Variants in WNK1 observed in about 807,000 individuals in gnomAD.
WNK1 encodes the protein WNK lysine deficient protein kinase 1, also known as serine/threonine-protein kinase WNK1.
WNK1 carries 38 observed loss-of-function variants against 222.8 expected under a neutral mutation model. That is an observed-to-expected ratio of 0.17 (90% confidence interval 0.13 to 0.22). The LOEUF is 0.22. WNK1 is among the 10% of genes least tolerant of loss of function. The probability of loss-of-function intolerance (pLI) is 1.00; values close to 1 mark genes in which losing one functional copy is unlikely to be tolerated. For synonymous variants in WNK1, 1,090 were observed against 1,092.9 expected, an observed-to-expected ratio of 1.00 and a Z score of 0.05; for missense variants, 2,348 against 2,918.4, an observed-to-expected ratio of 0.80 and a Z score of 4.50.
intron 6 of WNK1, among the ~76,000 whole-genome samples, chr12:859,806 C>A (rs1314295394): frequency 6.6e-6 from 1 of 151,562 alleles, no homozygotes; most frequent in Non-Finnish European, 1.5e-5. Flanking sequence ...GCCTTAAACT[C>A]CTGAACTCAA....
intron 1 of WNK1, among the ~76,000 whole-genome samples, chr12:810,452 A>G (rs989560793): frequency 5.9e-5 from 9 of 152,328 alleles, no homozygotes; most frequent in South Asian, 2.1e-4. Flanking sequence ...CATATATAAT[A>G]CTAGAGAAAT....
chr12:801,162 C>G (rs1241794589), intron 1 of WNK1, among the ~76,000 whole-genome samples: 1 of 152,166 alleles, frequency 6.6e-6, no homozygotes, highest in African/African-American at 2.4e-5. Flanking sequence ...TTAATGGAAT[C>G]TGGAGGGAAA....
At chr12:868,887 C>T (rs770163384) in intron 8 of WNK1, 1 of 1,608,800 alleles carries the variant, frequency 6.2e-7, no homozygotes, top group Non-Finnish European at 8.5e-7. Context: ...AGTGATTCCT[C>T]ACAAATCACT....
intron 26 of WNK1, among the ~76,000 whole-genome samples, chr12:902,623 G>C (rs1209757151): frequency 1.3e-5 from 2 of 152,134 alleles, no homozygotes; most frequent in Non-Finnish European, 2.9e-5. Flanking sequence ...CATGATTTCT[G>C]GGATTTTGCA....
chr12:887,636 G>A (rs575936090), intron 20 of WNK1, among the ~76,000 whole-genome samples: 6 of 152,170 alleles, frequency 3.9e-5, no homozygotes, highest in African/African-American at 7.2e-5. Flanking sequence ...GCGAAATTGC[G>A]TATATAATCA....
chr12:783,328 C>G (rs1943918317), intron 1 of WNK1, among the ~76,000 whole-genome samples: 2 of 152,236 alleles, frequency 1.3e-5, no homozygotes, highest in South Asian at 4.2e-4. Flanking sequence ...TCGGTTCACA[C>G]CAGCAACATT....
rs1478338556 is a variant in WNK1 at position 896,291 on chromosome 12, C to T, written c.5804C>T (p.Ser1935Leu). ...AAAACTACTGCCTCAGAGGCAAAGT[C>T]AGACACTGGGCAGCCTACCAAGGTT... ...AHKTTASEAK[S>L]DTGQPTKVGR... The change falls in exon 24 of 28, where the codon TCA becomes TTA. Residue 1935 changes from serine (S) to leucine (L), a missense_variant. Physicochemically the swap from Ser to Leu is moderately radical, Grantham distance 145. Coordinates refer to ENST00000315939, the MANE Select transcript of WNK1 (RefSeq NM_018979.4). 3 of 1,614,190 alleles carry T rather than the reference C, an allele frequency of 1.9e-6. No homozygotes were observed.
At position 900,477 on chromosome 12, in the gene WNK1, T is replaced by G. The variant is rs747665801; in HGVS notation, c.6450T>G (p.Gly2150=). 1 of 1,614,178 alleles carries G rather than the reference T, an allele frequency of 6.2e-7. No individual in the cohort carries two copies. Among genetic ancestry groups the G allele is most frequent in the African/African-American group, 1.3e-5 (1 of 75,052 alleles). The part of the protein sequence containing the change: ...SLGNKSPQLS[G]NLSGQSAASV... ...TCATGCCACTTTATCTTTTGGCAGG[T>G]AACCTGTCTGGTCAGAGTGCAGCTT... Residue 2150 remains glycine, a splice_region_variant and synonymous_variant, in exon 26 of 28, where the codon GGT becomes GGG. Transcript: ENST00000315939.
Position 846,128 on chromosome 12 carries a change from C to T in WNK1, c.1312-11033C>T, listed in dbSNP as rs148278572. On this transcript the variant is annotated intron_variant, in intron 4 of 27. Transcript: ENST00000315939. ...TTTGTTTTTAACCTGTTTTCTAGAC[C>T]GCAAGGAAAACTGAGGGTAAAAAGT... 1.1e-4 allele frequency among the ~76,000 whole-genome samples: 16 copies of T among 152,102 alleles called. No homozygotes were observed. In the East Asian group the frequency reaches 2.1e-3, roughly 20 times the overall value.
rs143283493 is a variant in WNK1 at position 890,001 on chromosome 12, G to A, written c.5449-452G>A. On this transcript the variant is annotated intron_variant, in intron 21 of 27. Transcript: ENST00000315939. ...GGAGTCTTGCGCTGTTACCCAGGCT[G>A]TAGTGCAGTGGCACGATCTTGGCTC... is the stretch of plus-strand genomic sequence containing the variant. Among the ~76,000 whole-genome samples the A allele has an allele frequency of 8.0e-3, 1,061 of 132,590 alleles. 11 individuals are homozygous for A. The highest frequency in any genetic ancestry group is 0.027 in the African/African-American group (928 of 34,952). The allele number at this position is 132,590 out of a possible 152,430, so 87.0% of individuals were successfully genotyped here.
chr12:793,093 C>T (rs183020522), intron 1 of WNK1, among the ~76,000 whole-genome samples: 2 of 152,262 alleles, frequency 1.3e-5, no homozygotes. Flanking sequence ...ATATGATCCT[C>T]CTGTACCTAA....
At chr12:841,999 A>G (rs1450602507) in intron 4 of WNK1, among the ~76,000 whole-genome samples, 1 of 152,238 alleles carries the variant, frequency 6.6e-6, no homozygotes, top group Non-Finnish European at 1.5e-5. Flanking sequence ...GAGGAAATAT[A>G]GAGTGTCTTA....
intron 16 of WNK1, 70 bp downstream of exon 16, chr12:883,638 C>T: frequency 6.2e-7 from 1 of 1,606,360 alleles, no homozygotes; most frequent in Non-Finnish European, 8.5e-7. Context: ...ATTTGCTATG[C>T]AAAATGTCCA....
chr12:889,653 G>C (rs7953330), intron 21 of WNK1, among the ~76,000 whole-genome samples: 42,975 of 151,764 alleles, frequency 0.28, 6,174 homozygotes, highest in Middle Eastern at 0.35. Flanking sequence ...CCCATCTCTA[G>C]TAAAAATACA....
chr12:814,855 T>C (rs1473034642), intron 2 of WNK1, among the ~76,000 whole-genome samples: 1 of 152,208 alleles, frequency 6.6e-6, no homozygotes, highest in Non-Finnish European at 1.5e-5. Context: ...CAACTCACCA[T>C]AATGTAGAAT....
intron 2 of WNK1, among the ~76,000 whole-genome samples, chr12:826,402 G>C (rs1241132663): frequency 6.6e-6 from 1 of 152,180 alleles, no homozygotes; most frequent in Non-Finnish European, 1.5e-5. Context: ...ATTTCTGTCT[G>C]GGGTTTAGCA....
chr12:896,862 G>A (rs1359071017), intron 24 of WNK1, 130 bp downstream of exon 24: 7 of 943,806 alleles, frequency 7.4e-6, no homozygotes, highest in Non-Finnish European at 1.1e-5. Flanking sequence ...CAGTGCCACA[G>A]AAGCCCCACC....
chr12:857,764 G>C (rs1950896941), intron 5 of WNK1, among the ~76,000 whole-genome samples: 1 of 152,184 alleles, frequency 6.6e-6, no homozygotes, highest in South Asian at 2.1e-4. Context: ...TTAGTCATTT[G>C]TACTAACAGA....
rs67823034 is a variant in WNK1, at chr12:907,024, T to TAAA, written c.6644-811_6644-809dup. Among the ~76,000 whole-genome samples, 7 of 47,428 alleles carry TAAA rather than the reference T, an allele frequency of 1.5e-4. 1 individual carries two copies. Among genetic ancestry groups the TAAA allele is most frequent in the African/African-American group, 3.8e-4 (4 of 10,622 alleles). The allele number at this position is 47,428 out of a possible 152,430, so 31.1% of individuals were successfully genotyped here. A position where few individuals can be genotyped will look rare whatever the true frequency, so the allele number is the denominator to read the frequency against. On this transcript the variant is annotated intron_variant, in intron 26 of 27. Transcript: ENST00000315939. ...ACAGAAAAAGAAGAGACCCTTCCTT[T>TAAA]AAAAAAAAAAAAAAGCCGGGCGTGG...
Sources: gnomAD v4.1 joint callset for allele counts (sites outside exome capture counted in the v4.1 genomes callset) on GRCh38, gnomAD v4.1.1 for gene constraint, MANE v1.5 for transcripts, NCBI Gene and HGNC (gene_info 2026-07-23, HGNC 2026-07-21) for gene names.